The following ANKS1B variants were observed in gnomAD, a reference collection of about 807,000 sequenced individuals.
The protein encoded by ANKS1B is ankyrin repeat and sterile alpha motif domain-containing protein 1B.
Under a neutral mutation model 148.3 loss-of-function variants are expected in ANKS1B, and 36 were observed. That is an observed-to-expected ratio of 0.24 (90% confidence interval 0.19 to 0.32). The LOEUF (loss-of-function observed/expected upper bound fraction) is 0.32, where lower values mean the gene tolerates loss of function less well. Among genes scored for constraint, ANKS1B ranks in the 10% least tolerant of loss-of-function variants. The probability of loss-of-function intolerance (pLI) is 1.00; values close to 1 mark genes in which losing one functional copy is unlikely to be tolerated. For missense variants in ANKS1B, 1,157 were observed against 1,542.6 expected, an observed-to-expected ratio of 0.75 and a Z score of 4.19; for synonymous variants, 542 against 560.8, an observed-to-expected ratio of 0.97 and a Z score of 0.47.
chr12:99,248,916 G>A (rs1330745094), intron 12 of ANKS1B, among the ~76,000 whole-genome samples: 1 of 152,162 alleles, frequency 6.6e-6, no homozygotes, highest in East Asian at 1.9e-4. Context: ...GACTGTATCT[G>A]GAATTTGGGA....
At chr12:99,890,048 T>C (rs576827729) in intron 1 of ANKS1B, among the ~76,000 whole-genome samples, 1 of 152,286 alleles carries the variant, frequency 6.6e-6, no homozygotes, top group East Asian at 1.9e-4. Context: ...GTCCTTTCTT[T>C]GAGCTCTTCT....
chr12:99,757,336 T>G (rs1383801705), intron 8 of ANKS1B, among the ~76,000 whole-genome samples: 1 of 151,852 alleles, frequency 6.6e-6, no homozygotes, highest in Non-Finnish European at 1.5e-5. Flanking sequence ...AACAAGCATA[T>G]GAAAAAAATG....
chr12:99,955,175 C>T (rs1255853993), intron 1 of ANKS1B, among the ~76,000 whole-genome samples: 2 of 152,100 alleles, frequency 1.3e-5, no homozygotes, highest in African/African-American at 4.8e-5. Context: ...TGAGTCTTTG[C>T]ACGGTCTGGC....
At position 99,374,322 on chromosome 12, in the gene ANKS1B, G is replaced by A. The variant is rs563615576; in HGVS notation, c.1756+25309C>T. 1.4e-4 allele frequency among the ~76,000 whole-genome samples: 21 copies of A among 152,198 alleles called. No homozygotes were observed. In the South Asian group the frequency reaches 2.1e-3, roughly 15 times the overall value. The stretch of plus-strand genomic sequence containing the variant: ...TGTGTGGAGTTTGCAGGTTTTCCCC[G>A]TGTCTGGATGGATTTTCTCTGGGTA... On this transcript the variant is annotated intron_variant, in intron 12 of 26. Transcript: ENST00000683438.
chr12:98,967,003 C>T (rs943060558), intron 17 of ANKS1B, among the ~76,000 whole-genome samples: 4 of 151,914 alleles, frequency 2.6e-5, no homozygotes, highest in Non-Finnish European at 5.9e-5. Context: ...CAAACCTGCA[C>T]GTTGTGCACA....
At chr12:99,903,870 C>T (rs1205393750) in intron 1 of ANKS1B, among the ~76,000 whole-genome samples, 4 of 151,846 alleles carry the variant, frequency 2.6e-5, no homozygotes, top group African/African-American at 7.3e-5. Flanking sequence ...ACCACCTGTA[C>T]CACAATAACT....
chr12:99,275,321 T>C (rs1371721921), intron 12 of ANKS1B, among the ~76,000 whole-genome samples: 1 of 152,176 alleles, frequency 6.6e-6, no homozygotes, highest in East Asian at 1.9e-4. Context: ...TTTTTGTACC[T>C]ATTAACCACC....
At chr12:99,019,706 G>A (rs1213363901) in intron 17 of ANKS1B, among the ~76,000 whole-genome samples, 5 of 151,928 alleles carry the variant, frequency 3.3e-5, no homozygotes, top group South Asian at 2.1e-4. Flanking sequence ...GTTTCTTTAC[G>A]GACTTTATAT....
intron 9 of ANKS1B, among the ~76,000 whole-genome samples, chr12:99,574,112 G>A (rs12316819): frequency 0.014 from 2,123 of 152,058 alleles, 52 homozygotes; most frequent in African/African-American, 0.049. Context: ...TCAATTCCAT[G>A]GCCTCAGTTG....
At chr12:99,574,951 A>G (rs1356144611) in intron 9 of ANKS1B, among the ~76,000 whole-genome samples, 5 of 152,172 alleles carry the variant, frequency 3.3e-5, no homozygotes, top group Non-Finnish European at 7.4e-5. Flanking sequence ...GATAAGAAGT[A>G]TACACATCAG....
chr12:99,692,462 G>A (rs1028799388), intron 8 of ANKS1B, among the ~76,000 whole-genome samples: 6 of 152,040 alleles, frequency 3.9e-5, no homozygotes, highest in African/African-American at 1.2e-4. Context: ...CTTGAGGTCA[G>A]GAGTTCAAGA....
At chr12:99,956,522 T>C (rs2095326825) in intron 1 of ANKS1B, among the ~76,000 whole-genome samples, 2 of 152,214 alleles carry the variant, frequency 1.3e-5, no homozygotes, top group Non-Finnish European at 1.5e-5. Flanking sequence ...GGTGATAGAA[T>C]AATGCTACAA....
intron 15 of ANKS1B, among the ~76,000 whole-genome samples, chr12:99,133,713 C>T (rs1375294076): frequency 2.6e-5 from 4 of 152,170 alleles, no homozygotes; most frequent in Non-Finnish European, 5.9e-5. Flanking sequence ...ACTAGAGATG[C>T]CCATAAGCCT....
intron 15 of ANKS1B, chr12:99,097,459 A>T (rs2056578040): frequency 6.6e-6 from 1 of 152,222 alleles, no homozygotes. Context: ...AAAAGAGAAC[A>T]TACCATGAAA....
chr12:98,934,940 C>T (rs2099817090), intron 17 of ANKS1B, among the ~76,000 whole-genome samples: 1 of 151,822 alleles, frequency 6.6e-6, no homozygotes, highest in Non-Finnish European at 1.5e-5. Context: ...TGGACAATTT[C>T]ACTTCTTCCC....
chr12:99,718,026 C>T (rs1281361862), intron 8 of ANKS1B, among the ~76,000 whole-genome samples: 2 of 151,236 alleles, frequency 1.3e-5, no homozygotes, highest in Non-Finnish European at 2.9e-5. Flanking sequence ...GCCTCAGCCT[C>T]CCGAGTAGCT....
chr12:99,720,907 C>A (rs1459697535), intron 8 of ANKS1B, among the ~76,000 whole-genome samples: 1 of 152,212 alleles, frequency 6.6e-6, no homozygotes, highest in East Asian at 1.9e-4. Flanking sequence ...TCCCAAACTG[C>A]CACTCTTAAC....
intron 8 of ANKS1B, among the ~76,000 whole-genome samples, chr12:99,767,368 A>T (rs1666156266): frequency 6.6e-6 from 1 of 152,080 alleles, no homozygotes; most frequent in African/African-American, 2.4e-5. Context: ...CTTCTTAAAG[A>T]CATACGCTGA....
chr12:99,069,619 A>G (rs901776677), intron 16 of ANKS1B, among the ~76,000 whole-genome samples: 6 of 152,228 alleles, frequency 3.9e-5, no homozygotes, highest in African/African-American at 1.2e-4. Flanking sequence ...TTATACCTTC[A>G]TGAATTCATG....
Sources: allele counts gnomAD v4.1 joint callset (sites outside exome capture counted in the v4.1 genomes callset), GRCh38; gene constraint gnomAD v4.1.1; transcripts MANE v1.5; gene names NCBI Gene and HGNC (gene_info 2026-07-23, HGNC 2026-07-21).